The following TMOD1 variants were observed in gnomAD, a reference collection of about 807,000 sequenced individuals.
TMOD1 encodes tropomodulin-1.
A neutral mutation model predicts 40.6 loss-of-function variants in TMOD1; 17 were observed. The observed-to-expected ratio is 0.42, with a 90% confidence interval of 0.29 to 0.63. The LOEUF (loss-of-function observed/expected upper bound fraction) is 0.63, where lower values mean the gene tolerates loss of function less well. TMOD1 is among the 20% of genes least tolerant of loss of function. The pLI, the probability that TMOD1 is intolerant of heterozygous loss-of-function variation, is 0.22. For missense variants in TMOD1, 391 were observed against 447.6 expected, an observed-to-expected ratio of 0.87 and a Z score of 1.14; for synonymous variants, 181 against 175.0, an observed-to-expected ratio of 1.03 and a Z score of -0.27.
intron 7 of TMOD1, 69 bp downstream of exon 7, chr9:97,566,024 C>A (rs900224222): frequency 3.6e-6 from 5 of 1,377,974 alleles, no homozygotes; most frequent in Non-Finnish European, 4.1e-6. Flanking sequence ...AATATGTGGC[C>A]TCAGGACTGG....
chr9:97,542,449 A>C (rs1830287973), intron 2 of TMOD1, among the ~76,000 whole-genome samples: 1 of 152,230 alleles, frequency 6.6e-6, no homozygotes, highest in African/African-American at 2.4e-5. Flanking sequence ...ATGTTATGTA[A>C]ATAATATTTT....
chr9:97,576,814 A>AT (rs1291961169), intron 8 of TMOD1, among the ~76,000 whole-genome samples: 3 of 149,376 alleles, frequency 2.0e-5, no homozygotes, highest in Non-Finnish European at 4.5e-5. Context: ...TTTTTTTTGT[A>AT]TTTTTTAGTA....
At position 97,591,183 on chromosome 9, in the gene TMOD1, TC is replaced by T. The variant is rs148050442; in HGVS notation, c.871-104del. 2.5e-3 allele frequency: 3,033 copies of T among 1,220,668 alleles called. 58 individuals carry two copies. The African/African-American group carries it at 0.043, about 17-fold the overall frequency. The allele number at this position is 1,220,668 out of a possible 1,614,324, so 75.6% of individuals were successfully genotyped here. On this transcript the variant is annotated intron_variant, in intron 8 of 9. Transcript: ENST00000259365. ...CCTACTCTTGGAGAGGAGGCTAAAA[TC>T]CCCTCCCACTACTCAAGAGTTTCTG...
intron 3 of TMOD1, among the ~76,000 whole-genome samples, chr9:97,548,451 A>C (rs1412408084): frequency 1.3e-5 from 2 of 151,968 alleles, no homozygotes; most frequent in Non-Finnish European, 2.9e-5. Flanking sequence ...GGGATCCTGG[A>C]GGGGGTGGCA....
intron 1 of TMOD1, among the ~76,000 whole-genome samples, chr9:97,506,606 C>T (rs527889616): frequency 1.3e-5 from 2 of 152,308 alleles, no homozygotes; most frequent in South Asian, 2.1e-4. Flanking sequence ...CATCATGATA[C>T]GTAGCTAGTG....
At chr9:97,550,992 T>TTATA (rs1172274297) in intron 3 of TMOD1, among the ~76,000 whole-genome samples, 132 of 96,338 alleles carry the variant, frequency 1.4e-3, no homozygotes, top group African/African-American at 4.9e-3. Context: ...TCTAAGAATT[T>TTATA]TATATATATA....
chr9:97,576,511 TAAGTA>T (rs1379284688), intron 8 of TMOD1, among the ~76,000 whole-genome samples: 4 of 151,890 alleles, frequency 2.6e-5, no homozygotes, highest in African/African-American at 9.7e-5. Flanking sequence ...TGCAGAACAG[TAAGTA>T]TAGTATGAAT....
intron 4 of TMOD1, among the ~76,000 whole-genome samples, chr9:97,555,227 A>G (rs1427387234): frequency 6.6e-6 from 1 of 152,126 alleles, no homozygotes; most frequent in African/African-American, 2.4e-5. Context: ...TATACATCAC[A>G]CTTCAACCAA....
At chr9:97,582,022 T>C (rs1419918209) in intron 8 of TMOD1, among the ~76,000 whole-genome samples, 1 of 151,966 alleles carries the variant, frequency 6.6e-6, no homozygotes, top group East Asian at 1.9e-4. Context: ...TTGTCAATTT[T>C]GTCTTTTGTT....
At chr9:97,596,560 T>C (rs1239809842) in intron 9 of TMOD1, among the ~76,000 whole-genome samples, 1 of 152,214 alleles carries the variant, frequency 6.6e-6, no homozygotes, top group East Asian at 1.9e-4. Flanking sequence ...AAGTAGGTAA[T>C]TAACATTACC....
intron 8 of TMOD1, among the ~76,000 whole-genome samples, chr9:97,581,394 T>C (rs1433040681): frequency 6.6e-6 from 1 of 152,004 alleles, no homozygotes; most frequent in African/African-American, 2.4e-5. Flanking sequence ...CAGTCTGTCA[T>C]AGATGGACAT....
Position 97,600,212 on chromosome 9 carries a change from G to A in TMOD1, c.*514G>A, listed in dbSNP as rs1407324900. 81 of 994,666 alleles carry A rather than the reference G, an allele frequency of 8.1e-5. No homozygotes were observed. Among genetic ancestry groups the A allele is most frequent in the Non-Finnish European group, 8.6e-5 (72 of 834,624 alleles). The allele number at this position is 994,666 out of a possible 1,614,324, so 61.6% of individuals were successfully genotyped here. ...GATTAAAGTTGCCAAATTGATTACTGGATCCAGAACACAATTTTCCCCTCA... is the reference window on the plus strand; with the variant it reads ...GATTAAAGTTGCCAAATTGATTACTAGATCCAGAACACAATTTTCCCCTCA... On this transcript the variant is annotated 3_prime_UTR_variant, in exon 10 of 10. Coordinates refer to ENST00000259365, the MANE Select transcript of TMOD1 (RefSeq NM_003275.4).
In TMOD1 at chr9:97,530,580, C is replaced by G. The variant is rs1230159854; in HGVS notation, c.120+6272C>G. ...TCGGCTCCCTGCAAGCTCTGCCTCC[C>G]GGGTCCACGCCATTCTCCTTCCTCA... On this transcript the variant is annotated intron_variant, in intron 2 of 9. Transcript: ENST00000259365. 3.3e-5 allele frequency among the ~76,000 whole-genome samples: 5 copies of G among 151,856 alleles called. 1 individual carries two copies. The Middle Eastern group carries it at 0.017, about 517-fold the overall frequency.
intron 1 of TMOD1, among the ~76,000 whole-genome samples, chr9:97,511,505 C>A (rs991355948): frequency 1.3e-5 from 2 of 152,220 alleles, no homozygotes; most frequent in Non-Finnish European, 2.9e-5. Flanking sequence ...GCTCTGCCAT[C>A]GCTGCTCACA....
intron 1 of TMOD1, among the ~76,000 whole-genome samples, chr9:97,511,302 C>T (rs763513209): frequency 6.6e-6 from 1 of 152,154 alleles, no homozygotes; most frequent in Non-Finnish European, 1.5e-5. Context: ...GTGAAAATAA[C>T]TGCAAATGAG....
rs1484132535 is a variant in TMOD1 at position 97,601,261 on chromosome 9, CGTAT to C, written c.*1566_*1569del. 4.2e-6 allele frequency: 5 copies of C among 1,203,024 alleles called. No homozygotes were observed. The highest frequency in any genetic ancestry group is 4.3e-6 in the Non-Finnish European group (4 of 936,170). 74.5% of individuals were successfully genotyped at this position (1,203,024 alleles called of 1,614,324 possible). On this transcript the variant is annotated 3_prime_UTR_variant, in exon 10 of 10. Coordinates refer to ENST00000259365, the MANE Select transcript of TMOD1 (RefSeq NM_003275.4). The stretch of plus-strand genomic sequence containing the variant: ...AAATCTGTTGGTCTATGCATGGCTG[CGTAT>C]GTGTTTCTTGGAACCTGTGTGACAG...
In TMOD1 at chr9:97,502,214, A is replaced by C. The variant is rs970674539; in HGVS notation, c.-49+411A>C. 5.3e-5 allele frequency among the ~76,000 whole-genome samples: 8 copies of C among 152,020 alleles called. No homozygotes were observed. Among genetic ancestry groups the C allele is most frequent in the Non-Finnish European group, 1.0e-4 (7 of 67,958 alleles). On this transcript the variant is annotated intron_variant, in intron 1 of 9. Transcript: ENST00000259365. This position sits in a 1 kb window ranked among gnomAD's most constrained non-coding sequence, Gnocchi z 6.1. ...GAGCCCGCGGGGTGCTCAGCTGGGT[A>C]CAGGTGCCAGCCGGAGCTGGGCTCG...
At chr9:97,581,151 C>G (rs1463477687) in intron 8 of TMOD1, among the ~76,000 whole-genome samples, 2 of 121,602 alleles carry the variant, frequency 1.6e-5, no homozygotes, top group African/African-American at 3.1e-5. Context: ...CCCCTCCCCC[C>G]ACCCCACAAC....
At chr9:97,549,744 G>T (rs563914223) in intron 3 of TMOD1, among the ~76,000 whole-genome samples, 126 of 152,152 alleles carry the variant, frequency 8.3e-4, no homozygotes, top group African/African-American at 3.0e-3. Context: ...ATATCTTTCT[G>T]GACATTTCTC....
Sources: allele counts gnomAD v4.1 joint callset (sites outside exome capture counted in the v4.1 genomes callset), GRCh38; gene constraint gnomAD v4.1.1; non-coding constraint Gnocchi (gnomAD v3.1); transcripts MANE v1.5; gene names NCBI Gene and HGNC (gene_info 2026-07-23, HGNC 2026-07-21).